KLF12: variants seen among roughly 807,000 people sequenced by gnomAD.
The protein encoded by KLF12 is Krueppel-like factor 12.
A neutral mutation model predicts 37.8 loss-of-function variants in KLF12; 9 were observed. The observed-to-expected ratio is 0.24, with a 90% CI of 0.14 to 0.42. KLF12 has a LOEUF of 0.42. Among genes scored for constraint, KLF12 ranks in the 10% least tolerant of loss-of-function variants. The pLI is 1.00. For missense variants in KLF12, 411 were observed against 516.0 expected (o/e 0.80, Z 1.97); for synonymous variants, 208 against 202.1 (o/e 1.03, Z -0.25).
intron 5 of KLF12, among the ~76,000 whole-genome samples, chr13:73,805,614 G>A (rs12874195): frequency 0.32 from 17,458 of 54,304 alleles, 1,859 homozygotes; most frequent in Admixed American, 0.4. Flanking sequence ...AGAAGGAAGG[G>A]AGGGAGGGAG....
At chr13:73,977,126 C>T (rs1891549728) in intron 2 of KLF12, among the ~76,000 whole-genome samples, 1 of 151,336 alleles carries the variant, frequency 6.6e-6, no homozygotes, top group African/African-American at 2.4e-5. Flanking sequence ...TCTCGACTCA[C>T]TGCAATCTCC....
At chr13:73,911,778 T>C (rs997186039) in intron 3 of KLF12, among the ~76,000 whole-genome samples, 1 of 152,204 alleles carries the variant, frequency 6.6e-6, no homozygotes, top group Non-Finnish European at 1.5e-5. Context: ...GTTGCATTCT[T>C]TATGTACTGA....
the KLF12 span, among the ~76,000 whole-genome samples, chr13:74,264,219 G>C: frequency 1.3e-5 from 2 of 152,194 alleles, no homozygotes; most frequent in African/African-American, 4.8e-5. Flanking sequence ...AACTGGGTGT[G>C]TGAGGGGCTG....
intron 3 of KLF12, among the ~76,000 whole-genome samples, chr13:73,934,609 G>A (rs1889840879): frequency 6.6e-6 from 1 of 151,970 alleles, no homozygotes; most frequent in Non-Finnish European, 1.5e-5. Flanking sequence ...CTTCCTTCAT[G>A]TGTAAGGTGT....
intron 3 of KLF12, among the ~76,000 whole-genome samples, chr13:73,929,106 A>G (rs1889545352): frequency 6.6e-6 from 1 of 152,216 alleles, no homozygotes; most frequent in African/African-American, 2.4e-5. Flanking sequence ...ATAAAATTTA[A>G]GCTCAATTAA....
At chr13:73,755,037 G>A (rs1284443088) in intron 6 of KLF12, among the ~76,000 whole-genome samples, 1 of 152,196 alleles carries the variant, frequency 6.6e-6, no homozygotes, top group Admixed American at 6.5e-5. Context: ...ATTACTGTAA[G>A]TCACTTTCAC....
intron 1 of KLF12, among the ~76,000 whole-genome samples, chr13:74,125,793 C>T (rs1328030791): frequency 2.0e-5 from 3 of 152,096 alleles, no homozygotes; most frequent in African/African-American, 7.2e-5. Context: ...TGATCTACAA[C>T]AAATATAATA....
At chr13:74,182,928 G>C in the KLF12 span, among the ~76,000 whole-genome samples, 3 of 152,056 alleles carry the variant, frequency 2.0e-5, no homozygotes, top group Non-Finnish European at 4.4e-5. Context: ...CCTGAATGCA[G>C]TATTTCTCAA....
chr13:74,011,437 A>AAT (rs1892549381), intron 1 of KLF12, among the ~76,000 whole-genome samples: 1 of 152,198 alleles, frequency 6.6e-6, no homozygotes, highest in East Asian at 1.9e-4. Context: ...AATAACTTTA[A>AAT]AAAGTTCACT....
At chr13:73,915,020 G>A (rs762062228) in intron 3 of KLF12, among the ~76,000 whole-genome samples, 34 of 152,116 alleles carry the variant, frequency 2.2e-4, no homozygotes, top group Non-Finnish European at 5.9e-5. Flanking sequence ...AAGTCTTCTG[G>A]GGCTAGCAGG....
At chr13:73,892,738 A>C (rs1390174397) in intron 3 of KLF12, among the ~76,000 whole-genome samples, 2 of 152,136 alleles carry the variant, frequency 1.3e-5, no homozygotes, top group African/African-American at 4.8e-5. Flanking sequence ...TAAATAAAGA[A>C]ACTGAAAGAC....
chr13:74,200,634 C>G, the KLF12 span, among the ~76,000 whole-genome samples: 2 of 152,008 alleles, frequency 1.3e-5, no homozygotes, highest in Admixed American at 1.3e-4. Flanking sequence ...TCAGATCTTT[C>G]TGAGAAAAAG....
At chr13:74,086,114 T>A (rs991924165) in intron 1 of KLF12, among the ~76,000 whole-genome samples, 3 of 151,154 alleles carry the variant, frequency 2.0e-5, no homozygotes, top group East Asian at 1.9e-4. Flanking sequence ...ATCACTAATT[T>A]TTATTATTAT....
At chr13:73,823,056 A>G (rs1256676032) in intron 4 of KLF12, among the ~76,000 whole-genome samples, 1 of 152,256 alleles carries the variant, frequency 6.6e-6, no homozygotes, top group Admixed American at 6.5e-5. Context: ...ACTCATTTTC[A>G]TCTGCAATGT....
chr13:73,787,805 C>T (rs934503019), intron 5 of KLF12, among the ~76,000 whole-genome samples: 2 of 151,490 alleles, frequency 1.3e-5, no homozygotes, highest in African/African-American at 4.9e-5. Flanking sequence ...TATTTTTAAA[C>T]AAAAAAAAGT....
the KLF12 span, among the ~76,000 whole-genome samples, chr13:74,159,684 C>G: frequency 6.6e-6 from 1 of 152,136 alleles, no homozygotes; most frequent in African/African-American, 2.4e-5. Context: ...AAGATAGTCT[C>G]TGCTCTAAAA....
intron 5 of KLF12, among the ~76,000 whole-genome samples, chr13:73,811,807 C>G (rs143708073): frequency 5.3e-5 from 8 of 152,228 alleles, no homozygotes; most frequent in African/African-American, 1.9e-4. Flanking sequence ...TATGTATATT[C>G]ATATACAATA....
Position 73,806,761 on chromosome 13 carries a change from A to G in KLF12, c.806+6391T>C, listed in dbSNP as rs372035444. ...AGGATACAGACAGTATCATGGGGCA[A>G]ATTAAATGAAAATTACATGAGTTTT... is the stretch of plus-strand genomic sequence containing the variant. On this transcript the variant is annotated intron_variant, in intron 5 of 7. Transcript: ENST00000377669. 5.3e-5 allele frequency among the ~76,000 whole-genome samples: 8 copies of G among 152,206 alleles called. No individual in the cohort carries two copies. The East Asian group carries it at 9.7e-4, about 18-fold the overall frequency.
At chr13:73,916,208 TACAC>T (rs67011700) in intron 3 of KLF12, among the ~76,000 whole-genome samples, 6,859 of 109,810 alleles carry the variant, frequency 0.062, 222 homozygotes, top group African/African-American at 0.13. Context: ...AGCTAATACT[TACAC>T]ACACACACAC....
Sources: allele counts gnomAD v4.1 joint callset (sites outside exome capture counted in the v4.1 genomes callset), GRCh38; gene constraint gnomAD v4.1.1; transcripts MANE v1.5; gene names NCBI Gene and HGNC (gene_info 2026-07-23, HGNC 2026-07-21).